The following AGO4 variants were observed in gnomAD, a reference collection of about 807,000 sequenced individuals.
AGO4 encodes protein argonaute-4.
A neutral mutation model predicts 104.7 loss-of-function variants in AGO4; 33 were observed. The observed-to-expected ratio is 0.32, with a 90% CI of 0.24 to 0.42. The LOEUF (loss-of-function observed/expected upper bound fraction) is 0.42. Among genes scored for constraint, AGO4 ranks in the 10% least tolerant of loss-of-function variants. AGO4 has a pLI of 1.00. For missense variants in AGO4, 711 were observed against 1,083.4 expected, an observed-to-expected ratio of 0.66 and a Z score of 4.83; for synonymous variants, 331 against 364.7, an observed-to-expected ratio of 0.91 and a Z score of 1.05.
chr1:35,819,620 C>T (rs1643841730), intron 2 of AGO4, among the ~76,000 whole-genome samples: 1 of 151,136 alleles, frequency 6.6e-6, no homozygotes, highest in Non-Finnish European at 1.5e-5. Context: ...GTAGTCCCAG[C>T]TACTCGGGAG....
chr1:35,808,452 G>A lies in AGO4; in HGVS notation c.19+17G>A. On this transcript the variant is annotated intron_variant, in intron 1 of 17. Coordinates refer to ENST00000373210, the MANE Select transcript of AGO4 (RefSeq NM_017629.4). The surrounding 1 kb of genome is among the most constrained non-coding windows in gnomAD (Gnocchi z 5.2). Reference sequence around the variant, plus strand: ...TGGGACCCGGTGAGGAGCGAGCTCGGGTCGGGGCGGGACCCGGGACCCGGG... The same window carrying A: ...TGGGACCCGGTGAGGAGCGAGCTCGAGTCGGGGCGGGACCCGGGACCCGGG... 2.5e-6 allele frequency: 3 copies of A among 1,179,432 alleles called. No individual in the cohort carries two copies. Among genetic ancestry groups the A allele is most frequent in the Non-Finnish European group, 3.1e-6 (3 of 954,124 alleles). 73.1% of individuals were successfully genotyped at this position (1,179,432 alleles called of 1,614,324 possible).
chr1:35,812,934 C>A (rs1356779262), intron 1 of AGO4, among the ~76,000 whole-genome samples: 1 of 152,136 alleles, frequency 6.6e-6, no homozygotes, highest in Non-Finnish European at 1.5e-5. Flanking sequence ...TTAAGTGTAT[C>A]TTGAAATATG....
At chr1:35,821,279 G>C (rs771694082) in intron 2 of AGO4, among the ~76,000 whole-genome samples, 2 of 152,098 alleles carry the variant, frequency 1.3e-5, no homozygotes, top group Non-Finnish European at 2.9e-5. Context: ...ACGATACCAC[G>C]TCTCTCCATC....
At chr1:35,822,468 G>A (rs1303165761) in intron 2 of AGO4, among the ~76,000 whole-genome samples, 10 of 141,978 alleles carry the variant, frequency 7.0e-5, no homozygotes, top group Middle Eastern at 5.1e-3. Flanking sequence ...TGGTCAGGCT[G>A]GTCTCGAACT....
chr1:35,824,405 C>G (rs746876502), intron 3 of AGO4, among the ~76,000 whole-genome samples: 4 of 151,806 alleles, frequency 2.6e-5, no homozygotes, highest in Non-Finnish European at 4.4e-5. Context: ...TAACAATATG[C>G]CTGAAAGATC....
In AGO4 at chr1:35,841,162, C is replaced by T. The variant is rs750381694; in HGVS notation, c.1725-3C>T. 3 of 1,606,908 alleles carry T rather than the reference C, an allele frequency of 1.9e-6. No individual in the cohort carries two copies. The highest frequency in any genetic ancestry group is 2.6e-6 in the Non-Finnish European group (3 of 1,174,106). ...GTGGCAACATCTCCTTAAATCTGAG[C>T]AGGCCCTCGGTGTTCCAGCAGCCTG... On this transcript the variant is annotated splice_region_variant and splice_polypyrimidine_tract_variant and intron_variant, in intron 13 of 17. Transcript: ENST00000373210. This position sits in a 1 kb window ranked among gnomAD's most constrained non-coding sequence, Gnocchi z 4.7.
rs759922975 is a variant in AGO4 at position 35,825,884 on chromosome 1, T to C, written c.626-42T>C. ...TTTGTTTGTTTGTTTGTTTTGGCCCTTCCCTTTTCCCTGAAGTGAAGTATC... is the reference window on the plus strand; with the variant it reads ...TTTGTTTGTTTGTTTGTTTTGGCCCCTCCCTTTTCCCTGAAGTGAAGTATC... On this transcript the variant is annotated intron_variant, in intron 5 of 17. Transcript: ENST00000373210. 2.5e-6 allele frequency: 4 copies of C among 1,606,806 alleles called. No individual in the cohort carries two copies. In the South Asian group the frequency reaches 4.4e-5, roughly 18 times the overall value.
chr1:35,848,072 T>C (rs1465420204), intron 15 of AGO4, among the ~76,000 whole-genome samples: 1 of 152,190 alleles, frequency 6.6e-6, no homozygotes, highest in Non-Finnish European at 1.5e-5. Flanking sequence ...CAGGTGTCCT[T>C]TTGTAGTTAA....
At chr1:35,829,043 C>CT (rs915771759) in intron 7 of AGO4, among the ~76,000 whole-genome samples, 5 of 150,764 alleles carry the variant, frequency 3.3e-5, no homozygotes, top group Admixed American at 6.6e-5. Context: ...ACACACACAC[C>CT]TTTTTTTGCT....
At position 35,811,825 on chromosome 1, in the gene AGO4, C is replaced by A. The variant is rs1643518089; in HGVS notation, c.19+3390C>A. Among the ~76,000 whole-genome samples the A allele has an allele frequency of 3.3e-5, 5 of 152,118 alleles. No individual in the cohort carries two copies. In the South Asian group the frequency reaches 8.3e-4, roughly 25 times the overall value. On this transcript the variant is annotated intron_variant, in intron 1 of 17. Coordinates refer to ENST00000373210, the MANE Select transcript of AGO4 (RefSeq NM_017629.4). Reference sequence around the variant, plus strand: ...ATCTTGGCCAGGCTGGTCTTGAACTCCTGACCTTGTGATCCACCCGCCCCG... The same window carrying A: ...ATCTTGGCCAGGCTGGTCTTGAACTACTGACCTTGTGATCCACCCGCCCCG...
At position 35,825,314 on chromosome 1, in the gene AGO4, T is replaced by C. The variant is rs757763343; in HGVS notation, c.308T>C (p.Val103Ala). Residue 103 changes from valine (V) to alanine (A), a missense_variant and splice_region_variant, in exon 4 of 18, where the codon GTT (valine) becomes GCT (alanine). Around this residue, in one of 3 missense-constraint regions of AGO4, gnomAD observed 308 missense variants for 397.8 expected, o/e 0.77. Coordinates refer to ENST00000373210, the MANE Select transcript of AGO4 (RefSeq NM_017629.4). ...AHPLPIGRDR[V>A]DMEVTLPGEG... ...GTATTCATGTATTTTTTTCCTTAGG[T>C]TGATATGGAGGTGACTCTTCCAGGC... The C allele has an allele frequency of 6.2e-7, 1 of 1,612,456 alleles. No individual in the cohort carries two copies. The highest frequency in any genetic ancestry group is 2.2e-5 in the East Asian group (1 of 44,856).
At chr1:35,840,078 A>G (rs537339054) in intron 13 of AGO4, among the ~76,000 whole-genome samples, 20 of 150,878 alleles carry the variant, frequency 1.3e-4, no homozygotes, top group Admixed American at 5.9e-4. Flanking sequence ...TGCAACCTCT[A>G]CCTCCTGGGT....
chr1:35,808,784 C>T lies in AGO4; in HGVS notation c.19+349C>T, dbSNP rs905580636. Among the ~76,000 whole-genome samples, 1 of 152,186 alleles carries T rather than the reference C, an allele frequency of 6.6e-6. No homozygotes were observed. Among genetic ancestry groups the T allele is most frequent in the Non-Finnish European group, 1.5e-5 (1 of 68,030 alleles). On this transcript the variant is annotated intron_variant, in intron 1 of 17. Coordinates refer to ENST00000373210, the MANE Select transcript of AGO4 (RefSeq NM_017629.4). This position sits in a 1 kb window ranked among gnomAD's most constrained non-coding sequence, Gnocchi z 5.2. ...GAAGGGGGCGATCCGCTACCCAGTG[C>T]GCGCGGAGGCCTGGCCCAGACCGGG...
intron 9 of AGO4, 35 bp downstream of exon 9, chr1:35,831,966 T>C (rs1274067027): frequency 6.2e-7 from 1 of 1,607,902 alleles, no homozygotes; most frequent in Non-Finnish European, 8.5e-7. Context: ...TGAGCTAGCT[T>C]TGAGATGACA....
chr1:35,816,750 G>A (rs1643713699), intron 1 of AGO4, 132 bp from the exon 2 acceptor site: 2 of 995,454 alleles, frequency 2.0e-6, no homozygotes, highest in Admixed American at 7.0e-5. Context: ...AGTGAGCCAA[G>A]ATCAAGCCAC....
In AGO4 at chr1:35,828,082, A is replaced by G. The variant is rs114193080; in HGVS notation, c.848+1247A>G. Among the ~76,000 whole-genome samples the G allele has an allele frequency of 6.3e-3, 958 of 152,190 alleles. 14 individuals are homozygous for G. Among genetic ancestry groups the G allele is most frequent in the African/African-American group, 0.022 (905 of 41,510 alleles). Reference sequence around the variant, plus strand: ...TCTTAATACATGGCTCAAAAGGTCTATTAAGGCCTAGATATCATATAAGGC... The same window carrying G: ...TCTTAATACATGGCTCAAAAGGTCTGTTAAGGCCTAGATATCATATAAGGC... On this transcript the variant is annotated intron_variant, in intron 7 of 17. Transcript: ENST00000373210.
In AGO4 at chr1:35,854,140, G is replaced by C. The variant is rs1397081638; in HGVS notation, c.*535G>C. ...CTTTAATGAGCATTAATTTTTGAAAGTTTTACAGAGTTTTATTAGTTTTAC... is the reference window on the plus strand; with the variant it reads ...CTTTAATGAGCATTAATTTTTGAAACTTTTACAGAGTTTTATTAGTTTTAC... On this transcript the variant is annotated 3_prime_UTR_variant, in exon 18 of 18. Coordinates refer to ENST00000373210, the MANE Select transcript of AGO4 (RefSeq NM_017629.4). 6.6e-6 allele frequency: 1 copy of C among 152,330 alleles called. No individual in the cohort carries two copies. The highest frequency in any genetic ancestry group is 2.4e-5 in the African/African-American group (1 of 41,444). The allele number at this position is 152,330 out of a possible 1,614,324, so 9.4% of individuals were successfully genotyped here.
rs1315442492 is a variant in AGO4, at chr1:35,853,479, G to GTTTTA, written c.2478-15_2478-11dup. 1 of 1,573,936 alleles carries GTTTTA rather than the reference G, an allele frequency of 6.4e-7. No homozygotes were observed. The highest frequency in any genetic ancestry group is 1.2e-5 in the South Asian group (1 of 85,218). ...TGTTTGTTTTGCTTTGTTTTGTTTTGTTTTATTCTCTTTACAGTGCGGAAG... is the reference window on the plus strand; with the variant it reads ...TGTTTGTTTTGCTTTGTTTTGTTTTGTTTTATTTTATTCTCTTTACAGTGCGGAAG... On this transcript the variant is annotated splice_polypyrimidine_tract_variant and intron_variant, in intron 17 of 17. Transcript: ENST00000373210.
In AGO4 at chr1:35,808,405, C is replaced by CCCT; in HGVS notation, c.-10_-9insTCC. Reference sequence around the variant, plus strand: ...CGCCGGGGACCGGGGCGAGGCGGCCCCCGCCGCCGCCATGGAGGCGCTGGG... The same window carrying CCCT: ...CGCCGGGGACCGGGGCGAGGCGGCCCCCTCCGCCGCCGCCATGGAGGCGCTGGG... On this transcript the variant is annotated 5_prime_UTR_variant, in exon 1 of 18. Transcript: ENST00000373210. This position sits in a 1 kb window ranked among gnomAD's most constrained non-coding sequence, Gnocchi z 5.2. 8.8e-7 allele frequency: 1 copy of CCCT among 1,132,346 alleles called. No homozygotes were observed. The highest frequency in any genetic ancestry group is 1.1e-6 in the Non-Finnish European group (1 of 925,382). The allele number at this position is 1,132,346 out of a possible 1,614,324, so 70.1% of individuals were successfully genotyped here. A position where few individuals can be genotyped will look rare whatever the true frequency, so the allele number is the denominator to read the frequency against.
Sources: gnomAD v4.1 joint callset for allele counts (sites outside exome capture counted in the v4.1 genomes callset) on GRCh38, gnomAD v4.1.1 for gene constraint, gnomAD v4.1.1 regional missense constraint, Gnocchi (gnomAD v3.1) non-coding constraint, MANE v1.5 for transcripts, NCBI Gene and HGNC (gene_info 2026-07-23, HGNC 2026-07-21) for gene names.